FKBP14: variants seen among roughly 807,000 people sequenced by gnomAD.
FKBP14 encodes the protein peptidyl-prolyl cis-trans isomerase FKBP14.
Under a neutral mutation model 21.6 loss-of-function variants are expected in FKBP14, and 20 were observed. The observed-to-expected ratio is 0.92, with a 90% CI of 0.65 to 1.34. The LOEUF (loss-of-function observed/expected upper bound fraction) is 1.34, where lower values mean the gene tolerates loss of function less well. Ranked by LOEUF, FKBP14 falls within the 40% of genes most tolerant of loss-of-function variation. The probability of loss-of-function intolerance (pLI) is 0.00; values close to 1 mark genes in which losing one functional copy is unlikely to be tolerated. For missense variants in FKBP14, 253 were observed against 249.0 expected (o/e 1.02, Z -0.11); for synonymous variants, 79 against 86.7 (o/e 0.91, Z 0.49).
At position 30,010,770 on chromosome 7, in the gene FKBP14, C is replaced by T. The variant is rs1789702531; in HGVS notation, c.*3965G>A. ...AATGGAGTTGAAAAATTCCTGTCAC[C>T]TGCTAGGGATGTCTTGATCCTGACC... On this transcript the variant is annotated 3_prime_UTR_variant, in exon 4 of 4. Coordinates refer to ENST00000222803, the MANE Select transcript of FKBP14 (RefSeq NM_017946.4). The T allele has an allele frequency of 6.6e-6, 1 of 152,118 alleles. No individual in the cohort carries two copies. Among genetic ancestry groups the T allele is most frequent in the East Asian group, 1.9e-4 (1 of 5,202 alleles). The allele number at this position is 152,118 out of a possible 1,614,324, so 9.4% of individuals were successfully genotyped here.
downstream of FKBP14, among the ~76,000 whole-genome samples, chr7:30,007,454 C>T (rs1218445183): frequency 4.6e-5 from 7 of 151,986 alleles, no homozygotes; most frequent in South Asian, 2.1e-4. Flanking sequence ...GTGATCTGCC[C>T]GCCTTGGCCT....
intron 2 of FKBP14, 152 bp downstream of exon 2, chr7:30,022,513 G>T: frequency 3.0e-6 from 2 of 668,748 alleles, no homozygotes; most frequent in Non-Finnish European, 2.3e-6. Flanking sequence ...CATTTCAATT[G>T]ATACTCAAGA....
chr7:30,026,589 G>T lies in FKBP14; in HGVS notation c.-81C>A. 7.4e-7 allele frequency: 1 copy of T among 1,355,528 alleles called. No homozygotes were observed. The highest frequency in any genetic ancestry group is 1.4e-5 in the South Asian group (1 of 69,882). 84.0% of individuals were successfully genotyped at this position (1,355,528 alleles called of 1,614,324 possible). ...CATAGATTTAAGAACGTAGTTCAAG[G>T]CTTACGGACAAGGGCTTCAGACAAG... On this transcript the variant is annotated 5_prime_UTR_variant, in exon 1 of 4. Transcript: ENST00000222803.
At chr7:30,017,707 C>A (rs1277692689) in intron 3 of FKBP14, among the ~76,000 whole-genome samples, 2 of 152,092 alleles carry the variant, frequency 1.3e-5, no homozygotes, top group Non-Finnish European at 2.9e-5. Flanking sequence ...CCTCACCCAG[C>A]TAAGACTTTT....
At position 30,014,191 on chromosome 7, in the gene FKBP14, C is replaced by T. The variant is rs1789819704; in HGVS notation, c.*544G>A. 6.6e-6 allele frequency: 1 copy of T among 152,182 alleles called. No homozygotes were observed. Among genetic ancestry groups the T allele is most frequent in the Admixed American group, 6.5e-5 (1 of 15,270 alleles). The allele number at this position is 152,182 out of a possible 1,614,324, so 9.4% of individuals were successfully genotyped here. On this transcript the variant is annotated 3_prime_UTR_variant, in exon 4 of 4. Coordinates refer to ENST00000222803, the MANE Select transcript of FKBP14 (RefSeq NM_017946.4). ...AACCTTGTTTCTAACTTCAGCATTG[C>T]ACATCTCCTTAGTAAAGCAGTAGCC...
chr7:30,007,317 C>A (rs373231093), downstream of FKBP14, among the ~76,000 whole-genome samples: 288 of 150,702 alleles, frequency 1.9e-3, no homozygotes, highest in African/African-American at 6.7e-3. Context: ...TCAAGCAATT[C>A]TCCTGCCTCA....
intron 1 of FKBP14, among the ~76,000 whole-genome samples, chr7:30,024,277 C>G (rs1413177894): frequency 1.3e-5 from 2 of 152,152 alleles, no homozygotes; most frequent in Non-Finnish European, 2.9e-5. Context: ...AAAAAAGAAG[C>G]AGGAAACATT....
downstream of FKBP14, among the ~76,000 whole-genome samples, chr7:30,006,043 A>G (rs538194338): frequency 6.6e-6 from 1 of 151,852 alleles, no homozygotes; most frequent in Non-Finnish European, 1.5e-5. Context: ...TATACACAGT[A>G]TCTACTATAT....
chr7:30,024,043 T>C (rs1054008360), intron 1 of FKBP14, among the ~76,000 whole-genome samples: 12 of 152,174 alleles, frequency 7.9e-5, no homozygotes, highest in African/African-American at 2.2e-4. Context: ...ACAGGGAGGC[T>C]TAAGGGCTGA....
At chr7:30,025,651 C>G (rs1367815250) in intron 1 of FKBP14, 1 of 152,172 alleles carries the variant, frequency 6.6e-6, no homozygotes, top group Admixed American at 6.5e-5. Context: ...TTTCCATGTT[C>G]CAATTTCTTC....
At chr7:30,020,668 C>G (rs879783929) in intron 2 of FKBP14, among the ~76,000 whole-genome samples, 7 of 152,316 alleles carry the variant, frequency 4.6e-5, no homozygotes, top group Admixed American at 6.5e-5. Context: ...CAATCTGTCT[C>G]TCATTCTCAA....
rs1690012337 is a variant in FKBP14 at position 30,026,651 on chromosome 7, TACC to T, written c.-146_-144del. 1 of 668,828 alleles carries T rather than the reference TACC, an allele frequency of 1.5e-6. No individual in the cohort carries two copies. The highest frequency in any genetic ancestry group is 1.8e-5 in the African/African-American group (1 of 55,422). The allele number at this position is 668,828 out of a possible 1,614,324, so 41.4% of individuals were successfully genotyped here. A position where few individuals can be genotyped will look rare whatever the true frequency, so the allele number is the denominator to read the frequency against. On this transcript the variant is annotated 5_prime_UTR_variant, in exon 1 of 4. Transcript: ENST00000222803. Reference sequence around the variant, plus strand: ...CCCTTCTTAGAAGACGTGGCACATTTACCACCAACTCTTTTCTCAAGGGTCACG... The same window carrying T: ...CCCTTCTTAGAAGACGTGGCACATTTACCAACTCTTTTCTCAAGGGTCACG...
rs200065638 is a variant in FKBP14 at position 30,014,637 on chromosome 7, CAAAG to C, written c.*94_*97del. 2.3e-3 allele frequency: 1,914 copies of C among 834,746 alleles called. 22 individuals carry two copies. The East Asian group carries it at 0.032, about 14-fold the overall frequency. 51.7% of individuals were successfully genotyped at this position (834,746 alleles called of 1,614,324 possible). A position where few individuals can be genotyped will look rare whatever the true frequency, so the allele number is the denominator to read the frequency against. ...AGAAAAAATATATAAAAATAAAAAA[CAAAG>C]CAAGAAAGAACATTGTATAAAAATA... On this transcript the variant is annotated 3_prime_UTR_variant, in exon 4 of 4. Coordinates refer to ENST00000222803, the MANE Select transcript of FKBP14 (RefSeq NM_017946.4).
At chr7:30,020,462 C>T (rs1454969268) in intron 2 of FKBP14, among the ~76,000 whole-genome samples, 2 of 152,102 alleles carry the variant, frequency 1.3e-5, no homozygotes, top group Non-Finnish European at 2.9e-5. Context: ...TACAGTAGTC[C>T]CCACTGGGAT....
intron 1 of FKBP14, among the ~76,000 whole-genome samples, chr7:30,024,883 T>C (rs1470159641): frequency 6.6e-6 from 1 of 152,170 alleles, no homozygotes; most frequent in East Asian, 1.9e-4. Context: ...TCAGGCTGAG[T>C]CTAAAAGAGA....
At chr7:30,015,976 C>T (rs1789875145) in intron 3 of FKBP14, among the ~76,000 whole-genome samples, 2 of 152,094 alleles carry the variant, frequency 1.3e-5, no homozygotes, top group Non-Finnish European at 2.9e-5. Flanking sequence ...GTGGCACCAT[C>T]TCAGCTCACT....
At chr7:30,008,498 A>C (rs1789651637), downstream of FKBP14, 1 of 151,630 alleles carries the variant, frequency 6.6e-6, no homozygotes, top group Admixed American at 6.6e-5. Flanking sequence ...AGGTGGGGAG[A>C]TCATCTGAGT....
chr7:30,019,308 T>G (rs1017347549), intron 2 of FKBP14, among the ~76,000 whole-genome samples, 185 bp from the exon 3 acceptor site: 2 of 152,062 alleles, frequency 1.3e-5, no homozygotes, highest in Non-Finnish European at 2.9e-5. Flanking sequence ...GAAGAAATAA[T>G]ATACACTAGC....
chr7:30,026,185 A>G, intron 1 of FKBP14, 127 bp downstream of exon 1: 1 of 892,232 alleles, frequency 1.1e-6, no homozygotes, highest in Non-Finnish European at 1.7e-6. Context: ...TTCCCAAAGA[A>G]GGAAATAAGA....
Sources: gnomAD v4.1 joint callset for allele counts (sites outside exome capture counted in the v4.1 genomes callset) on GRCh38, gnomAD v4.1.1 for gene constraint, MANE v1.5 for transcripts, NCBI Gene and HGNC (gene_info 2026-07-23, HGNC 2026-07-21) for gene names.